Variants in KCNN3 observed in about 807,000 individuals in gnomAD.
KCNN3 encodes the protein small conductance calcium-activated potassium channel protein 3.
KCNN3 carries 16 observed loss-of-function variants against 62.9 expected under a neutral mutation model. The ratio of observed to expected loss-of-function variants is 0.25; its 90% confidence interval spans 0.17 to 0.39. KCNN3 has a LOEUF of 0.39. KCNN3 is among the 10% of genes least tolerant of loss of function. The pLI is 1.00. For synonymous variants in KCNN3, 370 were observed against 389.2 expected, an observed-to-expected ratio of 0.95 and a Z score of 0.58; for missense variants, 599 against 949.4, an observed-to-expected ratio of 0.63 and a Z score of 4.85.
intron 1 of KCNN3, among the ~76,000 whole-genome samples, chr1:154,856,692 G>C (rs558575701): frequency 1.3e-5 from 2 of 152,226 alleles, no homozygotes; most frequent in African/African-American, 4.8e-5. Context: ...GACAGCCCCA[G>C]CGGCCAGGTT....
intron 3 of KCNN3, among the ~76,000 whole-genome samples, chr1:154,753,538 A>G (rs904002397): frequency 6.6e-6 from 1 of 152,216 alleles, no homozygotes; most frequent in Non-Finnish European, 1.5e-5. Flanking sequence ...CCAGTGGAAC[A>G]CATACCCCAA....
At chr1:154,819,003 G>A (rs962617262) in intron 2 of KCNN3, among the ~76,000 whole-genome samples, 17 of 152,220 alleles carry the variant, frequency 1.1e-4, no homozygotes, top group African/African-American at 3.6e-4. Flanking sequence ...CACTGTGGAT[G>A]AGGAAAGCTG....
chr1:154,731,498 T>C (rs568019522), intron 4 of KCNN3, among the ~76,000 whole-genome samples: 2 of 152,192 alleles, frequency 1.3e-5, no homozygotes, highest in East Asian at 1.9e-4. Flanking sequence ...GGTCCACCAA[T>C]ATCAGCCCCA....
At chr1:154,749,830 G>C (rs886440612) in intron 3 of KCNN3, among the ~76,000 whole-genome samples, 1 of 152,160 alleles carries the variant, frequency 6.6e-6, no homozygotes, top group African/African-American at 2.4e-5. Context: ...CCCTGACCCG[G>C]GGTCCCCACG....
intron 3 of KCNN3, among the ~76,000 whole-genome samples, chr1:154,734,565 G>A (rs1700670131): frequency 6.6e-6 from 1 of 152,234 alleles, no homozygotes; most frequent in Non-Finnish European, 1.5e-5. Context: ...GGCAAATGCT[G>A]CTTTTCCTTC....
At position 154,862,309 on chromosome 1, in the gene KCNN3, G is replaced by T. The variant is rs529999914; in HGVS notation, c.933+6723C>A. Among the ~76,000 whole-genome samples, 1 of 152,318 alleles carries T rather than the reference G, an allele frequency of 6.6e-6. No individual in the cohort carries two copies. The highest frequency in any genetic ancestry group is 6.5e-5 in the Admixed American group (1 of 15,306). ...GAGCCCTGGGCCAGCCACCGTGAGGGTCATGAGGGACCCAGGGGTGAAAAT... is the reference window on the plus strand; with the variant it reads ...GAGCCCTGGGCCAGCCACCGTGAGGTTCATGAGGGACCCAGGGGTGAAAAT... On this transcript the variant is annotated intron_variant, in intron 1 of 7. Coordinates refer to ENST00000271915, the MANE Select transcript of KCNN3 (RefSeq NM_002249.6). This position sits in a 1 kb window ranked among gnomAD's most constrained non-coding sequence, Gnocchi z 4.1.
chr1:154,808,912 A>T (rs1447330502), intron 2 of KCNN3, among the ~76,000 whole-genome samples: 1 of 152,176 alleles, frequency 6.6e-6, no homozygotes, highest in Admixed American at 6.5e-5. Context: ...TCTGCTGGCG[A>T]TCACACAGCA....
At chr1:154,717,418 A>G (rs7528481) in intron 5 of KCNN3, among the ~76,000 whole-genome samples, 4,846 of 152,308 alleles carry the variant, frequency 0.032, 246 homozygotes, top group African/African-American at 0.11. Context: ...CCAGAATCAC[A>G]CAGCTAGCTA....
chr1:154,867,141 C>T (rs761483170), intron 1 of KCNN3, among the ~76,000 whole-genome samples: 4 of 152,216 alleles, frequency 2.6e-5, no homozygotes, highest in Admixed American at 6.5e-5. Context: ...GGCCCCTGGT[C>T]TCCAAGGGAG....
chr1:154,766,050 A>C (rs1026744919), intron 3 of KCNN3, among the ~76,000 whole-genome samples: 4 of 151,846 alleles, frequency 2.6e-5, no homozygotes, highest in African/African-American at 9.7e-5. Context: ...GTTTTTCTCA[A>C]AGGCCTCCAG....
At chr1:154,791,228 C>CAAA (rs534142359) in intron 2 of KCNN3, among the ~76,000 whole-genome samples, 2 of 59,710 alleles carry the variant, frequency 3.3e-5, no homozygotes, top group Admixed American at 2.0e-4. Context: ...GACTCCATCT[C>CAAA]AAAAAAAAAA....
At chr1:154,829,431 G>A (rs1213651199) in intron 1 of KCNN3, among the ~76,000 whole-genome samples, 2 of 152,222 alleles carry the variant, frequency 1.3e-5, no homozygotes, top group African/African-American at 4.8e-5. Flanking sequence ...CCCAGGGGCT[G>A]GAGATGGGGC....
chr1:154,856,206 G>T (rs1288552543), intron 1 of KCNN3, among the ~76,000 whole-genome samples: 3 of 152,202 alleles, frequency 2.0e-5, no homozygotes, highest in Admixed American at 6.5e-5. Flanking sequence ...AGACAAGCAG[G>T]ACTCGTGCCA....
In KCNN3 at chr1:154,706,106, C is replaced by T. The variant is rs1176223710; in HGVS notation, c.*1870G>A. On this transcript the variant is annotated 3_prime_UTR_variant, in exon 8 of 8. Transcript: ENST00000271915. The stretch of plus-strand genomic sequence containing the variant: ...TGTTCAAAGGAATTATCAAGGCAGG[C>T]CATTAAGACTATAAACCATCAAAAG... 6.6e-6 allele frequency: 1 copy of T among 152,092 alleles called. No homozygotes were observed. The highest frequency in any genetic ancestry group is 1.9e-4 in the East Asian group (1 of 5,202). The allele number at this position is 152,092 out of a possible 1,614,324, so 9.4% of individuals were successfully genotyped here.
At chr1:154,764,350 G>A (rs1648161115) in intron 3 of KCNN3, among the ~76,000 whole-genome samples, 1 of 152,140 alleles carries the variant, frequency 6.6e-6, no homozygotes, top group Non-Finnish European at 1.5e-5. Context: ...CTCTCAGGCT[G>A]GTGTTGGAGT....
At chr1:154,726,060 AG>A (rs763565462) in intron 4 of KCNN3, 34 bp from the exon 5 acceptor site, 30 of 1,512,004 alleles carry the variant, frequency 2.0e-5, no homozygotes, top group Non-Finnish European at 2.7e-5. Context: ...CAGAGGGGAA[AG>A]AACATATCAT....
chr1:154,770,138 CAG>C (rs1648480512), intron 3 of KCNN3, among the ~76,000 whole-genome samples: 1 of 152,190 alleles, frequency 6.6e-6, no homozygotes, highest in Non-Finnish European at 1.5e-5. Flanking sequence ...TGGTCCCACT[CAG>C]AGCAGATGTT....
rs1348685099 is a variant in KCNN3 at position 154,707,017 on chromosome 1, A to T, written c.*959T>A. The stretch of plus-strand genomic sequence containing the variant: ...TTTGGATGGAAGAAGAAAACTCTGC[A>T]GATGCTGTTATTTTTAGAAGCCTGC... On this transcript the variant is annotated 3_prime_UTR_variant, in exon 8 of 8. Transcript: ENST00000271915. The T allele has an allele frequency of 6.6e-6, 1 of 152,248 alleles. No homozygotes were observed. Among genetic ancestry groups the T allele is most frequent in the Non-Finnish European group, 1.5e-5 (1 of 68,038 alleles). 9.4% of individuals were successfully genotyped at this position (152,248 alleles called of 1,614,324 possible). A position where few individuals can be genotyped will look rare whatever the true frequency, so the allele number is the denominator to read the frequency against.
chr1:154,746,820 A>G (rs769158385), intron 3 of KCNN3, among the ~76,000 whole-genome samples: 6 of 152,174 alleles, frequency 3.9e-5, no homozygotes, highest in Non-Finnish European at 8.8e-5. Flanking sequence ...GCAAACTTGC[A>G]TTTTGCACCC....
Sources: gnomAD v4.1 joint callset for allele counts (sites outside exome capture counted in the v4.1 genomes callset) on GRCh38, gnomAD v4.1.1 for gene constraint, Gnocchi (gnomAD v3.1) non-coding constraint, MANE v1.5 for transcripts, NCBI Gene and HGNC (gene_info 2026-07-23, HGNC 2026-07-21) for gene names.